SNTG1: variants seen among roughly 807,000 people sequenced by gnomAD.
SNTG1 encodes the protein syntrophin gamma 1.
Under a neutral mutation model 74.7 loss-of-function variants are expected in SNTG1, and 39 were observed. The observed-to-expected ratio is 0.52, with a 90% CI of 0.40 to 0.68. SNTG1 has a LOEUF of 0.68. Ranked by LOEUF, SNTG1 falls within the 30% of genes least tolerant of loss-of-function variation. The pLI is 0.00. For synonymous variants in SNTG1, 254 were observed against 217.1 expected (o/e 1.17, Z -1.49); for missense variants, 685 against 609.5 (o/e 1.12, Z -1.30).
At chr8:50,242,280 G>A (rs576090177) in intron 2 of SNTG1, among the ~76,000 whole-genome samples, 38 of 151,996 alleles carry the variant, frequency 2.5e-4, no homozygotes, top group African/African-American at 8.9e-4. Context: ...TGTAATCCCA[G>A]GACTTTGGGA....
intron 1 of SNTG1, among the ~76,000 whole-genome samples, chr8:49,945,826 C>T (rs1381767678): frequency 6.6e-6 from 1 of 152,182 alleles, no homozygotes; most frequent in Admixed American, 6.5e-5. Flanking sequence ...GGAGCAGGCC[C>T]GGACCCTTTG....
In SNTG1 at chr8:50,792,852, C is replaced by A. The variant is rs763725086; in HGVS notation, c.*23C>A. ...TGACATACTGAACTCTTCATTGACA[C>A]ACCCCATGACTGTATAAGCAGGACA... On this transcript the variant is annotated 3_prime_UTR_variant, in exon 19 of 19. Coordinates refer to ENST00000642720, the MANE Select transcript of SNTG1 (RefSeq NM_018967.5). 4.4e-6 allele frequency: 7 copies of A among 1,596,980 alleles called. No homozygotes were observed. In the East Asian group the frequency reaches 1.6e-4, roughly 36 times the overall value.
Position 50,119,755 on chromosome 8 carries a change from T to C in SNTG1, c.-102-52806T>C, listed in dbSNP as rs2080936874. ...GGACAATTACTATACCCCTATCAGA[T>C]GAGAAACTGAGGCATAGGGAAATTA... On this transcript the variant is annotated intron_variant, in intron 1 of 18. Coordinates refer to ENST00000642720, the MANE Select transcript of SNTG1 (RefSeq NM_018967.5). Among the ~76,000 whole-genome samples the C allele has an allele frequency of 1.4e-5, 2 of 141,394 alleles. 1 individual carries two copies. The highest frequency in any genetic ancestry group is 5.1e-5 in the African/African-American group (2 of 39,134). 92.8% of individuals were successfully genotyped at this position (141,394 alleles called of 152,430 possible).
rs201039976 is a variant in SNTG1, at chr8:50,394,224, G to T, written c.-15G>T. 52 of 1,612,372 alleles carry T rather than the reference G, an allele frequency of 3.2e-5. No homozygotes were observed. Among genetic ancestry groups the T allele is most frequent in the Admixed American group, 5.0e-5 (3 of 59,868 alleles). On this transcript the variant is annotated 5_prime_UTR_variant, in exon 3 of 19. Transcript: ENST00000642720. ...TGTGTCTTTTCAGACGACATCCTTTGTGGTGCCACAGCACATGGATTTCAG... is the reference window on the plus strand; with the variant it reads ...TGTGTCTTTTCAGACGACATCCTTTTTGGTGCCACAGCACATGGATTTCAG...
intron 12 of SNTG1, among the ~76,000 whole-genome samples, chr8:50,582,401 C>T (rs2094616119): frequency 1.3e-5 from 2 of 151,882 alleles, no homozygotes; most frequent in African/African-American, 4.8e-5. Context: ...AAATAAATTA[C>T]AAAAGAAAAG....
At chr8:50,779,682 G>A (rs1335874603) in intron 18 of SNTG1, among the ~76,000 whole-genome samples, 7 of 151,038 alleles carry the variant, frequency 4.6e-5, no homozygotes, top group African/African-American at 7.4e-5. Context: ...TTTCCTAATC[G>A]AATACCCTTT....
intron 12 of SNTG1, among the ~76,000 whole-genome samples, chr8:50,556,569 CA>C (rs549834385): frequency 7.9e-5 from 12 of 152,120 alleles, no homozygotes; most frequent in Non-Finnish European, 1.3e-4. Flanking sequence ...AGAAAGTTAT[CA>C]ATTTTTATTT....
chr8:50,546,323 A>G (rs2094387428), intron 11 of SNTG1, among the ~76,000 whole-genome samples: 1 of 152,136 alleles, frequency 6.6e-6, no homozygotes, highest in Non-Finnish European at 1.5e-5. Flanking sequence ...TGAGGGGGAA[A>G]GGGGAATATA....
At chr8:50,574,828 A>G (rs1309102149) in intron 12 of SNTG1, among the ~76,000 whole-genome samples, 1 of 152,184 alleles carries the variant, frequency 6.6e-6, no homozygotes. Context: ...ATTGCTGACT[A>G]TTTATTTGCA....
intron 2 of SNTG1, among the ~76,000 whole-genome samples, chr8:50,318,082 C>T (rs967185649): frequency 5.3e-5 from 8 of 152,182 alleles, no homozygotes; most frequent in Admixed American, 2.0e-4. Flanking sequence ...GTGATCCGCC[C>T]GCCTTGACCT....
chr8:50,285,748 CA>C (rs953542472), intron 2 of SNTG1, among the ~76,000 whole-genome samples: 1 of 146,968 alleles, frequency 6.8e-6, no homozygotes, highest in African/African-American at 2.5e-5. Context: ...ATGGAATTTA[CA>C]AAAACCATAA....
At chr8:50,412,182 G>T (rs1174972623) in intron 4 of SNTG1, among the ~76,000 whole-genome samples, 1 of 152,084 alleles carries the variant, frequency 6.6e-6, no homozygotes. Flanking sequence ...ACCTAGCATT[G>T]TTAAATCCAC....
At chr8:50,458,868 T>C (rs1290341535) in intron 8 of SNTG1, among the ~76,000 whole-genome samples, 1 of 152,182 alleles carries the variant, frequency 6.6e-6, no homozygotes, top group Admixed American at 6.5e-5. Context: ...TGTGGCTTAG[T>C]CTCTTCAATT....
intron 2 of SNTG1, among the ~76,000 whole-genome samples, chr8:50,341,202 C>G (rs953813998): frequency 6.6e-6 from 1 of 151,748 alleles, no homozygotes; most frequent in East Asian, 1.9e-4. Flanking sequence ...ATATTTTTTC[C>G]TATAGAAATA....
At chr8:50,187,804 T>C (rs2083436927) in intron 2 of SNTG1, among the ~76,000 whole-genome samples, 1 of 152,168 alleles carries the variant, frequency 6.6e-6, no homozygotes, top group African/African-American at 2.4e-5. Context: ...AGCAAATCAA[T>C]ACCTGTAGTA....
At chr8:50,527,485 C>T (rs2094230616) in intron 9 of SNTG1, among the ~76,000 whole-genome samples, 1 of 152,086 alleles carries the variant, frequency 6.6e-6, no homozygotes, top group Non-Finnish European at 1.5e-5. Flanking sequence ...GTGCATCTTA[C>T]ATAAGAATCA....
intron 1 of SNTG1, among the ~76,000 whole-genome samples, chr8:49,987,494 AAATTT>A (rs1813277315): frequency 6.6e-6 from 1 of 152,096 alleles, no homozygotes. Flanking sequence ...AATAGGGCCC[AAATTT>A]AATTGGATCA....
At chr8:50,648,151 C>A (rs2095122465) in intron 13 of SNTG1, among the ~76,000 whole-genome samples, 1 of 152,128 alleles carries the variant, frequency 6.6e-6, no homozygotes, top group South Asian at 2.1e-4. Flanking sequence ...ATATATCCCT[C>A]ACAGATCTGA....
At chr8:50,537,382 A>G (rs1363388017) in intron 11 of SNTG1, among the ~76,000 whole-genome samples, 6 of 152,168 alleles carry the variant, frequency 3.9e-5, no homozygotes, top group African/African-American at 1.4e-4. Context: ...CATAAACCAC[A>G]TGCCCAGCAG....
Sources: allele counts gnomAD v4.1 joint callset (sites outside exome capture counted in the v4.1 genomes callset), GRCh38; gene constraint gnomAD v4.1.1; transcripts MANE v1.5; gene names NCBI Gene and HGNC (gene_info 2026-07-23, HGNC 2026-07-21).